DAAM2: variants seen among roughly 807,000 people sequenced by gnomAD.
DAAM2 encodes the protein dishevelled associated activator of morphogenesis 2.
DAAM2 carries 39 observed loss-of-function variants against 120.7 expected under a neutral mutation model. That is an observed-to-expected ratio of 0.32 (90% CI 0.25 to 0.42). The LOEUF (loss-of-function observed/expected upper bound fraction) is 0.42, where lower values mean the gene tolerates loss of function less well. Among genes scored for constraint, DAAM2 ranks in the 10% least tolerant of loss-of-function variants. DAAM2 has a pLI of 1.00. For missense variants in DAAM2, 1,283 were observed against 1,401.7 expected (o/e 0.92, Z 1.35); for synonymous variants, 488 against 524.9 (o/e 0.93, Z 0.96).
At chr6:39,883,893 G>T in intron 14 of DAAM2, 69 bp from the exon 15 acceptor site, 1 of 980,772 alleles carries the variant, frequency 1.0e-6, no homozygotes, top group Non-Finnish European at 1.6e-6. Context: ...GTGGGGTTAG[G>T]GAGGCATGGA....
At chr6:39,852,648 C>A (rs1163442478) in intron 1 of DAAM2, among the ~76,000 whole-genome samples, 1 of 152,222 alleles carries the variant, frequency 6.6e-6, no homozygotes, top group Non-Finnish European at 1.5e-5. Context: ...ACTTCTATTA[C>A]TTCCTGTACT....
intron 1 of DAAM2, among the ~76,000 whole-genome samples, chr6:39,837,677 A>G (rs1402134109): frequency 6.6e-6 from 1 of 151,296 alleles, no homozygotes; most frequent in African/African-American, 2.4e-5. Flanking sequence ...AAAAAAAAAA[A>G]AAAAAAAAAG....
At chr6:39,816,421 T>C (rs1762311808) in intron 1 of DAAM2, among the ~76,000 whole-genome samples, 1 of 152,174 alleles carries the variant, frequency 6.6e-6, no homozygotes, top group South Asian at 2.1e-4. Flanking sequence ...GTGGGGGGGC[T>C]ATCTTTTGTA....
rs1562056685 is a variant in DAAM2 at position 39,888,666 on chromosome 6, G to A, written c.2061-13G>A. On this transcript the variant is annotated splice_polypyrimidine_tract_variant and intron_variant, in intron 16 of 24. Coordinates refer to ENST00000274867, the MANE Select transcript of DAAM2 (RefSeq NM_001201427.2). ...TGAGGGCTGTCCTGGATTGAGGTGG[G>A]GTTTTGCCTTAGGTTGAAGCTTTCT... 1.9e-6 allele frequency: 3 copies of A among 1,612,394 alleles called. No individual in the cohort carries two copies. Among genetic ancestry groups the A allele is most frequent in the East Asian group, 4.5e-5 (2 of 44,866 alleles).
rs1764531934 is a variant in DAAM2 at position 39,868,803 on chromosome 6, T to C, written c.763-20T>C. On this transcript the variant is annotated intron_variant, in intron 6 of 24. Transcript: ENST00000274867. Reference sequence around the variant, plus strand: ...GGAACTCAGCCCTCTCCTCCTGCTCTGTCCTGCATTTCCACCTAGACCCTG... The same window carrying C: ...GGAACTCAGCCCTCTCCTCCTGCTCCGTCCTGCATTTCCACCTAGACCCTG... The C allele has an allele frequency of 6.5e-7, 1 of 1,550,282 alleles. No homozygotes were observed. The highest frequency in any genetic ancestry group is 1.9e-5 in the Admixed American group (1 of 52,112).
chr6:39,891,246 C>T, intron 17 of DAAM2, 95 bp from the exon 18 acceptor site: 2 of 935,758 alleles, frequency 2.1e-6, no homozygotes, highest in Non-Finnish European at 1.7e-6. Context: ...AGGCACCCTC[C>T]CCATCTTGAC....
At chr6:39,875,570 C>A in intron 11 of DAAM2, 102 bp downstream of exon 11, 1 of 1,405,938 alleles carries the variant, frequency 7.1e-7, no homozygotes, top group Non-Finnish European at 9.7e-7. Flanking sequence ...GCAACCCAGT[C>A]ATCCCGAAAT....
chr6:39,796,546 G>C (rs1253531918), intron 1 of DAAM2, among the ~76,000 whole-genome samples: 4 of 147,758 alleles, frequency 2.7e-5, no homozygotes, highest in African/African-American at 1.0e-4. Flanking sequence ...GCAGCGTTAT[G>C]CTAGCACTGG....
intron 1 of DAAM2, among the ~76,000 whole-genome samples, chr6:39,794,598 C>T (rs1368674362): frequency 3.3e-5 from 5 of 152,130 alleles, no homozygotes; most frequent in African/African-American, 9.7e-5. Flanking sequence ...TTTTGGTGAG[C>T]GTGGAGGAAG....
chr6:39,823,897 C>T (rs892344457), intron 1 of DAAM2, among the ~76,000 whole-genome samples: 2 of 152,168 alleles, frequency 1.3e-5, no homozygotes, highest in African/African-American at 2.4e-5. Flanking sequence ...CCCTCCTCCC[C>T]CTGCTGGGGT....
Position 39,902,207 on chromosome 6 carries a change from T to G in DAAM2, c.*170T>G, listed in dbSNP as rs960954927. 1.8e-5 allele frequency: 9 copies of G among 499,528 alleles called. No homozygotes were observed. Among genetic ancestry groups the G allele is most frequent in the African/African-American group, 1.6e-4 (8 of 50,774 alleles). 30.9% of individuals were successfully genotyped at this position (499,528 alleles called of 1,614,324 possible). A position where few individuals can be genotyped will look rare whatever the true frequency, so the allele number is the denominator to read the frequency against. On this transcript the variant is annotated 3_prime_UTR_variant, in exon 25 of 25. Coordinates refer to ENST00000274867, the MANE Select transcript of DAAM2 (RefSeq NM_001201427.2). ...GACCAGGTGTCTCCCCACGCTTACC[T>G]TAAGGGGCTCCTCTTATCTCCCCTT...
chr6:39,827,473 AG>A (rs1762716371), intron 1 of DAAM2, among the ~76,000 whole-genome samples: 1 of 151,990 alleles, frequency 6.6e-6, no homozygotes, highest in Admixed American at 6.6e-5. Context: ...TCTTTTTCAG[AG>A]TCTGATTATT....
chr6:39,904,586 G>GTGTT lies in DAAM2; in HGVS notation c.*2551_*2554dup, dbSNP rs1766704187. The GTGTT allele has an allele frequency of 1.1e-5, 5 of 439,374 alleles. No homozygotes were observed. The highest frequency in any genetic ancestry group is 1.1e-4 in the African/African-American group (5 of 44,292). 27.2% of individuals were successfully genotyped at this position (439,374 alleles called of 1,614,324 possible). On this transcript the variant is annotated 3_prime_UTR_variant, in exon 25 of 25. Coordinates refer to ENST00000274867, the MANE Select transcript of DAAM2 (RefSeq NM_001201427.2). ...ATTTCTCCCCTGTGATGGAAATAAA[G>GTGTT]TGTTTAGGGCAGTGGGAGGAGAAAA...
At chr6:39,888,198 T>C (rs1169445539) in intron 16 of DAAM2, 1 of 156,788 alleles carries the variant, frequency 6.4e-6, no homozygotes, top group Non-Finnish European at 1.4e-5. Context: ...GCAAGACTGA[T>C]TGGGACAGCT....
intron 21 of DAAM2, among the ~76,000 whole-genome samples, chr6:39,898,559 C>T (rs549595114): frequency 3.7e-4 from 56 of 152,258 alleles, no homozygotes; most frequent in African/African-American, 1.2e-3. Context: ...ATAAGCATTA[C>T]CTGGTAGTAA....
intron 1 of DAAM2, among the ~76,000 whole-genome samples, chr6:39,817,118 G>A (rs571034079): frequency 2.8e-4 from 42 of 152,278 alleles, no homozygotes; most frequent in Admixed American, 1.7e-3. Context: ...CACAACTGTG[G>A]CTGGATTCTG....
chr6:39,900,315 A>AGAGCTTT, intron 23 of DAAM2, 107 bp downstream of exon 23: 1 of 1,305,584 alleles, frequency 7.7e-7, no homozygotes, highest in Non-Finnish European at 1.0e-6. Flanking sequence ...CCAGAGTTAC[A>AGAGCTTT]GAGCTTTGAG....
intron 10 of DAAM2, among the ~76,000 whole-genome samples, chr6:39,875,056 A>G (rs1372142626): frequency 1.3e-5 from 2 of 152,202 alleles, no homozygotes; most frequent in African/African-American, 4.8e-5. Flanking sequence ...CCAAACAAGG[A>G]AGAAAGGCAG....
At position 39,887,564 on chromosome 6, in the gene DAAM2, G is replaced by T. The variant is rs374930818; in HGVS notation, c.2032G>T (p.Ala678Ser). 5 of 1,613,432 alleles carry T rather than the reference G, an allele frequency of 3.1e-6. No homozygotes were observed. In the Admixed American group the frequency reaches 5.0e-5, roughly 16 times the overall value. Reference protein sequence around the residue: ...KELSVIDGRRAQNCIILLSKL... With the variant: ...KELSVIDGRRSQNCIILLSKL... ...GCTGTCGGTCATTGATGGCCGGAGG[G>T]CCCAAAACTGCATCATCCTTCTTTC... The change falls in exon 16 of 25, where the codon GCC (alanine) becomes TCC (serine). Residue 678 changes from alanine to serine, a missense_variant. By Grantham distance (99) the Ala-to-Ser change is moderately conservative (BLOSUM62 1). Coordinates refer to ENST00000274867, the MANE Select transcript of DAAM2 (RefSeq NM_001201427.2).
Sources: gnomAD v4.1 joint callset for allele counts (sites outside exome capture counted in the v4.1 genomes callset) on GRCh38, gnomAD v4.1.1 for gene constraint, MANE v1.5 for transcripts, NCBI Gene and HGNC (gene_info 2026-07-23, HGNC 2026-07-21) for gene names.